DPH6: variants seen among roughly 807,000 people sequenced by gnomAD.
The protein encoded by DPH6 is diphthine--ammonia ligase.
In DPH6, 33 loss-of-function variants were observed where a neutral mutation model predicts 38.2. That is an observed-to-expected ratio of 0.86 (90% CI 0.65 to 1.15). The LOEUF is 1.15. DPH6 is among the 50% of genes most tolerant of loss of function. DPH6 has a pLI of 0.00. For synonymous variants in DPH6, 108 were observed against 103.0 expected (o/e 1.05, Z -0.30); for missense variants, 325 against 320.0 (o/e 1.02, Z -0.12).
At chr15:35,153,641 CT>C in the DPH6 span, among the ~76,000 whole-genome samples, 1 of 152,016 alleles carries the variant, frequency 6.6e-6, no homozygotes, top group Non-Finnish European at 1.5e-5. Flanking sequence ...ACCCTTGGAA[CT>C]GTGAAGAGCA....
chr15:35,324,694 A>ATAAT (rs1262734902), intron 3 of DPH6, among the ~76,000 whole-genome samples: 1 of 152,222 alleles, frequency 6.6e-6, no homozygotes, highest in African/African-American at 2.4e-5. Context: ...CCGATAGTCA[A>ATAAT]TAATTACCAA....
At chr15:35,476,019 C>A (rs2141137522) in intron 3 of DPH6, among the ~76,000 whole-genome samples, 1 of 151,618 alleles carries the variant, frequency 6.6e-6, no homozygotes, top group East Asian at 1.9e-4. Context: ...GCTCTACAAA[C>A]AGTACAGAAG....
intron 3 of DPH6, among the ~76,000 whole-genome samples, chr15:35,275,340 G>A (rs1215230668): frequency 1.3e-5 from 2 of 152,118 alleles, no homozygotes; most frequent in African/African-American, 4.8e-5. Flanking sequence ...AGAAAATGTG[G>A]CACATATACA....
chr15:35,302,795 C>CA (rs2052063139), intron 3 of DPH6, among the ~76,000 whole-genome samples: 1 of 144,874 alleles, frequency 6.9e-6, no homozygotes, highest in South Asian at 2.2e-4. Context: ...GACGATTTTT[C>CA]TTTTTTTTTT....
chr15:35,381,605 T>C (rs1357797682), intron 7 of DPH6, among the ~76,000 whole-genome samples: 1 of 152,198 alleles, frequency 6.6e-6, no homozygotes, highest in Non-Finnish European at 1.5e-5. Context: ...GAAAGTGCAA[T>C]GTCTAAAAAG....
At chr15:35,181,258 G>T in the DPH6 span, among the ~76,000 whole-genome samples, 1 of 151,944 alleles carries the variant, frequency 6.6e-6, no homozygotes, top group Non-Finnish European at 1.5e-5. Flanking sequence ...ACTCATGCCT[G>T]TGTTTACATT....
At chr15:35,270,031 C>T (rs1830346157) in intron 3 of DPH6, among the ~76,000 whole-genome samples, 1 of 151,584 alleles carries the variant, frequency 6.6e-6, no homozygotes, top group Admixed American at 6.6e-5. Flanking sequence ...GATCTCCTGA[C>T]CTCGTGATCC....
intron 6 of DPH6, chr15:35,396,165 TG>T (rs1362847036): frequency 6.6e-6 from 1 of 151,702 alleles, no homozygotes; most frequent in African/African-American, 2.4e-5. Flanking sequence ...TTTACATAAT[TG>T]AATCCTCCTC....
chr15:35,347,186 T>C (rs530055397), intron 3 of DPH6, among the ~76,000 whole-genome samples: 2 of 152,306 alleles, frequency 1.3e-5, no homozygotes, highest in Middle Eastern at 3.4e-3. Context: ...TTCTACTATA[T>C]AGTTCTAAGA....
At chr15:35,185,882 G>A in the DPH6 span, among the ~76,000 whole-genome samples, 6 of 151,322 alleles carry the variant, frequency 4.0e-5, no homozygotes, top group South Asian at 4.2e-4. Context: ...ACGGGCGCCC[G>A]CCACCACGCC....
At chr15:35,357,275 G>C (rs1213554107) in intron 3 of DPH6, among the ~76,000 whole-genome samples, 1 of 152,210 alleles carries the variant, frequency 6.6e-6, no homozygotes, top group African/African-American at 2.4e-5. Context: ...CACTCGGTGT[G>C]CTGCACCCAC....
chr15:35,387,223 C>T (rs144575709), intron 6 of DPH6, among the ~76,000 whole-genome samples: 72 of 152,260 alleles, frequency 4.7e-4, no homozygotes, highest in African/African-American at 1.4e-3. Context: ...GTACCAGTAG[C>T]ATGCTGTTTT....
intron 5 of DPH6, among the ~76,000 whole-genome samples, chr15:35,440,671 C>T (rs1042580566): frequency 2.6e-5 from 4 of 152,166 alleles, no homozygotes; most frequent in African/African-American, 7.2e-5. Flanking sequence ...TAAGGGAACC[C>T]GCACAGGGTC....
At chr15:35,527,602 G>T (rs888858863) in intron 3 of DPH6, among the ~76,000 whole-genome samples, 4 of 152,064 alleles carry the variant, frequency 2.6e-5, no homozygotes, top group Non-Finnish European at 5.9e-5. Context: ...TATATTCAGT[G>T]GGGTGAACTG....
At chr15:35,537,796 T>C (rs556783663) in intron 3 of DPH6, among the ~76,000 whole-genome samples, 182 of 152,228 alleles carry the variant, frequency 1.2e-3, no homozygotes, top group Non-Finnish European at 2.1e-3. Flanking sequence ...TGCTTCATTT[T>C]TCCTCATATT....
In DPH6 at chr15:35,467,238, T is replaced by C. The variant is rs540694052; in HGVS notation, c.313-12418A>G. On this transcript the variant is annotated intron_variant, in intron 3 of 8. Coordinates refer to ENST00000256538, the MANE Select transcript of DPH6 (RefSeq NM_080650.4). ...AACTTTTTTCTATTTTTAAAACATT[T>C]TATTTTTTACTCTTTAAGCTTTTTT... is the stretch of plus-strand genomic sequence containing the variant. Among the ~76,000 whole-genome samples, 16 of 152,358 alleles carry C rather than the reference T, an allele frequency of 1.1e-4. No individual in the cohort carries two copies. In the South Asian group the frequency reaches 3.3e-3, roughly 32 times the overall value.
chr15:35,211,323 A>G, the DPH6 span, among the ~76,000 whole-genome samples: 7 of 152,208 alleles, frequency 4.6e-5, no homozygotes, highest in Non-Finnish European at 7.3e-5. Context: ...AAGCTCAGTG[A>G]AAAGAAATCT....
chr15:35,146,461 A>G, the DPH6 span, among the ~76,000 whole-genome samples: 2 of 152,186 alleles, frequency 1.3e-5, no homozygotes, highest in African/African-American at 4.8e-5. Context: ...TAGCATAGTC[A>G]TACATCTAAA....
intron 3 of DPH6, among the ~76,000 whole-genome samples, chr15:35,360,888 T>G (rs2052608599): frequency 6.6e-6 from 1 of 152,174 alleles, no homozygotes; most frequent in Non-Finnish European, 1.5e-5. Context: ...TCAGCAGGCC[T>G]GCCACTGGAG....
Sources: allele counts gnomAD v4.1 joint callset (sites outside exome capture counted in the v4.1 genomes callset), GRCh38; gene constraint gnomAD v4.1.1; transcripts MANE v1.5; gene names NCBI Gene and HGNC (gene_info 2026-07-23, HGNC 2026-07-21).